BAZ2B: variants seen among roughly 807,000 people sequenced by gnomAD.
BAZ2B encodes bromodomain adjacent to zinc finger domain protein 2B.
A neutral mutation model predicts 246.0 loss-of-function variants in BAZ2B; 91 were observed. That is an observed-to-expected ratio of 0.37 (90% confidence interval 0.31 to 0.44). The LOEUF (loss-of-function observed/expected upper bound fraction) is 0.44, where lower values mean the gene tolerates loss of function less well. BAZ2B is among the 20% of genes least tolerant of loss of function. The pLI is 1.00. For synonymous variants in BAZ2B, 855 were observed against 860.0 expected (o/e 0.99, Z 0.10); for missense variants, 2,332 against 2,533.7 (o/e 0.92, Z 1.71).
At chr2:159,535,333 T>G (rs1172796867) in intron 2 of BAZ2B, among the ~76,000 whole-genome samples, 1 of 152,104 alleles carries the variant, frequency 6.6e-6, no homozygotes, top group Non-Finnish European at 1.5e-5. Context: ...ACCAGCCTGG[T>G]CAATATGGTG....
chr2:159,514,520 GA>G (rs2083249315), intron 2 of BAZ2B, among the ~76,000 whole-genome samples: 1 of 151,942 alleles, frequency 6.6e-6, no homozygotes, highest in Non-Finnish European at 1.5e-5. Flanking sequence ...ATAAATTAAT[GA>G]AAAAAATAAA....
rs75805887 is a variant in BAZ2B at position 159,455,435 on chromosome 2, C to G, written c.146-1634G>C. On this transcript the variant is annotated intron_variant, in intron 3 of 36. Coordinates refer to ENST00000392783, the MANE Select transcript of BAZ2B (RefSeq NM_013450.4). ...TGCATTAAGTATGTTTTGTATCAGG[C>G]TATATAAGGAAAAAGTTCTGATTCA... 5.0e-3 allele frequency among the ~76,000 whole-genome samples: 753 copies of G among 151,964 alleles called. 6 individuals are homozygous for G. The highest frequency in any genetic ancestry group is 0.018 in the African/African-American group (726 of 41,450).
intron 1 of BAZ2B, among the ~76,000 whole-genome samples, chr2:159,588,535 C>G (rs1688584033): frequency 6.6e-6 from 1 of 152,106 alleles, no homozygotes; most frequent in Non-Finnish European, 1.5e-5. Flanking sequence ...ACACACCCCT[C>G]TTAAATATGA....
At chr2:159,469,660 C>T (rs965257651) in intron 3 of BAZ2B, among the ~76,000 whole-genome samples, 8 of 152,008 alleles carry the variant, frequency 5.3e-5, no homozygotes, top group African/African-American at 1.2e-4. Flanking sequence ...AGGCAGGTCT[C>T]GAACTCCTGA....
chr2:159,389,152 T>C (rs1429385930), intron 21 of BAZ2B, among the ~76,000 whole-genome samples, 193 bp downstream of exon 21: 3 of 151,672 alleles, frequency 2.0e-5, no homozygotes, highest in African/African-American at 7.3e-5. Context: ...AAAACCGCCA[T>C]TACCAGCACA....
chr2:159,342,647 C>T (rs1002687206), intron 31 of BAZ2B, among the ~76,000 whole-genome samples: 1 of 152,096 alleles, frequency 6.6e-6, no homozygotes, highest in East Asian at 1.9e-4. Flanking sequence ...AAGGCAATCC[C>T]ATTTACAATA....
intron 27 of BAZ2B, among the ~76,000 whole-genome samples, chr2:159,352,157 C>A (rs529209709): frequency 2.6e-5 from 4 of 152,300 alleles, no homozygotes; most frequent in African/African-American, 9.6e-5. Context: ...CCTCTTCTCA[C>A]TTTCTATTTT....
At chr2:159,456,733 T>A (rs1043897677) in intron 3 of BAZ2B, among the ~76,000 whole-genome samples, 1 of 152,162 alleles carries the variant, frequency 6.6e-6, no homozygotes, top group Admixed American at 6.5e-5. Flanking sequence ...ATGGAAAGCA[T>A]CCTTAGTGAC....
At chr2:159,622,483 C>G in the BAZ2B span, among the ~76,000 whole-genome samples, 78 of 152,140 alleles carry the variant, frequency 5.1e-4, no homozygotes, top group African/African-American at 1.7e-3. Flanking sequence ...TGGTCAAAAC[C>G]AGATACAATA....
intron 2 of BAZ2B, among the ~76,000 whole-genome samples, chr2:159,500,337 A>T (rs1302788304): frequency 6.6e-6 from 1 of 151,872 alleles, no homozygotes; most frequent in Non-Finnish European, 1.5e-5. Context: ...TAGGTGTGTG[A>T]TCTTATTTCT....
At chr2:159,608,136 A>G (rs1185877871) in intron 1 of BAZ2B, among the ~76,000 whole-genome samples, 1 of 152,206 alleles carries the variant, frequency 6.6e-6, no homozygotes, top group Non-Finnish European at 1.5e-5. Context: ...GCACTTTGAG[A>G]GGCCAAGGTG....
At chr2:159,337,793 G>A in intron 31 of BAZ2B, 21 bp from the exon 32 acceptor site, 2 of 1,594,586 alleles carry the variant, frequency 1.3e-6, no homozygotes, top group Non-Finnish European at 1.7e-6. Flanking sequence ...AGAGAATAGT[G>A]TTATTATGGT....
At chr2:159,391,244 C>T (rs935649266) in intron 20 of BAZ2B, among the ~76,000 whole-genome samples, 3 of 152,092 alleles carry the variant, frequency 2.0e-5, no homozygotes, top group Non-Finnish European at 4.4e-5. Context: ...CACTTCTATG[C>T]CACGTGATGT....
rs561817993 is a variant in BAZ2B at position 159,592,938 on chromosome 2, C to G, written c.-46+23304G>C. 2.0e-5 allele frequency among the ~76,000 whole-genome samples: 3 copies of G among 152,278 alleles called. 1 individual carries two copies. Among genetic ancestry groups the G allele is most frequent in the African/African-American group, 7.2e-5 (3 of 41,544 alleles). ...AATTGATAAAGTATCTTATTCATCT[C>G]TTTATTCCCTCTCACCCCAACACTG... is the stretch of plus-strand genomic sequence containing the variant. On this transcript the variant is annotated intron_variant, in intron 1 of 36. Coordinates refer to ENST00000392783, the MANE Select transcript of BAZ2B (RefSeq NM_013450.4).
At chr2:159,444,175 T>C (rs1460919814) in intron 6 of BAZ2B, 1 of 152,012 alleles carries the variant, frequency 6.6e-6, no homozygotes, top group Non-Finnish European at 1.5e-5. Flanking sequence ...GAGACTGCCA[T>C]TGAAACAAAT....
the BAZ2B span, among the ~76,000 whole-genome samples, chr2:159,698,588 T>A: frequency 6.6e-6 from 1 of 151,256 alleles, no homozygotes; most frequent in Admixed American, 6.6e-5. Context: ...ATATATTATA[T>A]AGTATTGAAA....
chr2:159,482,859 G>A lies in BAZ2B; in HGVS notation c.-2-4138C>T, dbSNP rs562304615. Among the ~76,000 whole-genome samples, 2 of 152,112 alleles carry A rather than the reference G, an allele frequency of 1.3e-5. 1 individual carries two copies. Among genetic ancestry groups the A allele is most frequent in the African/African-American group, 4.8e-5 (2 of 41,506 alleles). The stretch of plus-strand genomic sequence containing the variant: ...AAACTCATTTATTCATATCTTTTTA[G>A]AAAAATATATTCATTAAAATAAAAA... On this transcript the variant is annotated intron_variant, in intron 2 of 36. Coordinates refer to ENST00000392783, the MANE Select transcript of BAZ2B (RefSeq NM_013450.4).
chr2:159,430,157 G>A (rs973441566), intron 10 of BAZ2B, among the ~76,000 whole-genome samples: 6 of 152,104 alleles, frequency 3.9e-5, no homozygotes, highest in African/African-American at 1.4e-4. Context: ...GTTGGCCCTT[G>A]AACAATATGG....
intron 1 of BAZ2B, chr2:159,615,464 C>G (rs1452870300): frequency 6.6e-6 from 1 of 152,566 alleles, no homozygotes; most frequent in African/African-American, 2.4e-5. Flanking sequence ...GTATCCAGAT[C>G]TTTTCCCAAT....
Sources: allele counts gnomAD v4.1 joint callset (sites outside exome capture counted in the v4.1 genomes callset), GRCh38; gene constraint gnomAD v4.1.1; transcripts MANE v1.5; gene names NCBI Gene and HGNC (gene_info 2026-07-23, HGNC 2026-07-21).